Variants in DEPTOR observed in about 807,000 individuals in gnomAD.
DEPTOR encodes the protein DEP domain containing MTOR interacting protein, also known as DEP domain-containing mTOR-interacting protein.
Under a neutral mutation model 41.6 loss-of-function variants are expected in DEPTOR, and 41 were observed. That is an observed-to-expected ratio of 0.98 (90% CI 0.77 to 1.28). DEPTOR has a LOEUF of 1.28. Ranked by LOEUF, DEPTOR falls within the 50% of genes most tolerant of loss-of-function variation. DEPTOR has a pLI of 0.00. For synonymous variants in DEPTOR, 195 were observed against 192.3 expected (o/e 1.01, Z -0.12); for missense variants, 514 against 527.9 (o/e 0.97, Z 0.26).
At chr8:120,003,354 C>A (rs944286678) in intron 6 of DEPTOR, among the ~76,000 whole-genome samples, 1 of 152,104 alleles carries the variant, frequency 6.6e-6, no homozygotes, top group Non-Finnish European at 1.5e-5. Context: ...CTGGGATGGC[C>A]CTTCCAAGTT....
chr8:119,989,226 C>G (rs1306896949), intron 4 of DEPTOR, among the ~76,000 whole-genome samples: 1 of 152,074 alleles, frequency 6.6e-6, no homozygotes, highest in Non-Finnish European at 1.5e-5. Context: ...GTGTCAAACT[C>G]ATGGGCTCAA....
At chr8:119,893,753 A>G (rs1179684882) in intron 1 of DEPTOR, among the ~76,000 whole-genome samples, 4 of 147,170 alleles carry the variant, frequency 2.7e-5, no homozygotes, top group African/African-American at 1.0e-4. Context: ...GCTTGAACCC[A>G]GTGACAGAGA....
chr8:120,031,630 C>T (rs2875932), intron 8 of DEPTOR, among the ~76,000 whole-genome samples: 96,213 of 151,826 alleles, frequency 0.63, 31,271 homozygotes, highest in Middle Eastern at 0.75. Flanking sequence ...CCATCCCAGA[C>T]ATCAGTGCCA....
At chr8:120,019,608 G>A (rs1812667328) in intron 8 of DEPTOR, among the ~76,000 whole-genome samples, 1 of 152,130 alleles carries the variant, frequency 6.6e-6, no homozygotes, top group Non-Finnish European at 1.5e-5. Flanking sequence ...TGTTAACTAG[G>A]GATATGTGTG....
chr8:119,972,851 C>T (rs1056041728), intron 4 of DEPTOR, among the ~76,000 whole-genome samples: 1 of 152,174 alleles, frequency 6.6e-6, no homozygotes, highest in African/African-American at 2.4e-5. Context: ...GATTATTAAC[C>T]TCTGAAATCT....
At chr8:119,892,187 C>T (rs10107361) in intron 1 of DEPTOR, among the ~76,000 whole-genome samples, 75,598 of 151,896 alleles carry the variant, frequency 0.5, 20,471 homozygotes, top group East Asian at 0.92. Flanking sequence ...TCAGTAGAGA[C>T]GGGGTTTTGC....
chr8:119,911,855 C>T (rs917857521), intron 1 of DEPTOR, among the ~76,000 whole-genome samples: 1 of 152,182 alleles, frequency 6.6e-6, no homozygotes, highest in African/African-American at 2.4e-5. Context: ...CTGTACTACA[C>T]TATGGTTTCC....
At chr8:119,970,947 TCGGCCGGGCACAG>T (rs1828623470) in intron 4 of DEPTOR, among the ~76,000 whole-genome samples, 1 of 151,830 alleles carries the variant, frequency 6.6e-6, no homozygotes, top group Admixed American at 6.6e-5. Flanking sequence ...GGCTGAAAAA[TCGGCCGGGCACAG>T]TGGCTCACAC....
chr8:119,947,553 G>A (rs1563973308), intron 3 of DEPTOR, among the ~76,000 whole-genome samples: 1 of 152,124 alleles, frequency 6.6e-6, no homozygotes. Context: ...GCCAGTGGGT[G>A]AAATCATTAT....
At chr8:119,922,768 G>A (rs1302731581) in intron 1 of DEPTOR, among the ~76,000 whole-genome samples, 2 of 152,188 alleles carry the variant, frequency 1.3e-5, no homozygotes, top group Non-Finnish European at 2.9e-5. Flanking sequence ...GTTACTGGCA[G>A]CACCAGGGTG....
intron 1 of DEPTOR, among the ~76,000 whole-genome samples, chr8:119,927,282 G>A (rs372204492): frequency 7.9e-5 from 12 of 152,148 alleles, no homozygotes; most frequent in Admixed American, 7.9e-4. Flanking sequence ...TCAGCTCGAG[G>A]GTGTATTGGG....
chr8:119,972,701 C>T (rs1410812767), intron 4 of DEPTOR, among the ~76,000 whole-genome samples: 1 of 151,402 alleles, frequency 6.6e-6, no homozygotes, highest in East Asian at 1.9e-4. Flanking sequence ...CAAATCAAGA[C>T]AGTCTAGCTT....
intron 3 of DEPTOR, among the ~76,000 whole-genome samples, chr8:119,941,250 G>T (rs1828199318): frequency 6.6e-6 from 1 of 151,764 alleles, no homozygotes; most frequent in African/African-American, 2.4e-5. Context: ...GCATATGCTT[G>T]TAATCCCAGT....
rs774036426 is a variant in DEPTOR, at chr8:119,929,974, C to T, written c.425+36C>T. 7 of 1,591,390 alleles carry T rather than the reference C, an allele frequency of 4.4e-6. No individual in the cohort carries two copies. The East Asian group carries it at 9.0e-5, about 21-fold the overall frequency. On this transcript the variant is annotated intron_variant, in intron 3 of 8. Coordinates refer to ENST00000286234, the MANE Select transcript of DEPTOR (RefSeq NM_022783.4). ...CATGAAATCCCCCCTGTAATCTTGA[C>T]TTATAGAAAGAAGCAGAACTGTGCC...
chr8:119,915,256 C>T (rs958648017), intron 1 of DEPTOR, among the ~76,000 whole-genome samples: 4 of 152,200 alleles, frequency 2.6e-5, no homozygotes, highest in Admixed American at 6.5e-5. Context: ...TGAGCCACCA[C>T]GCCCAGCCTA....
At chr8:119,882,089 C>T (rs2129678034) in intron 1 of DEPTOR, among the ~76,000 whole-genome samples, 1 of 152,170 alleles carries the variant, frequency 6.6e-6, no homozygotes, top group South Asian at 2.1e-4. Flanking sequence ...TGAGGTTTCT[C>T]CACGTTGGCC....
chr8:119,993,476 A>T (rs10110144), intron 4 of DEPTOR, among the ~76,000 whole-genome samples: 55,299 of 152,096 alleles, frequency 0.36, 10,793 homozygotes, highest in East Asian at 0.57. Flanking sequence ...ATGAGTAACA[A>T]ATTGTCAGTT....
rs769104381 is a variant in DEPTOR, at chr8:119,928,583, G to A, written c.301+5G>A. The A allele has an allele frequency of 1.2e-6, 2 of 1,612,056 alleles. No homozygotes were observed. The highest frequency in any genetic ancestry group is 1.7e-6 in the Non-Finnish European group (2 of 1,178,912). On this transcript the variant is annotated splice_donor_5th_base_variant and intron_variant, in intron 2 of 8. Coordinates refer to ENST00000286234, the MANE Select transcript of DEPTOR (RefSeq NM_022783.4). ...ACCGGGGCATTATTCACCATGGTGA[G>A]TGCGGTGGCGAGTCAAGGTGACTTG...
chr8:120,007,038 A>G (rs1812449807), intron 7 of DEPTOR, among the ~76,000 whole-genome samples, 163 bp downstream of exon 7: 1 of 152,244 alleles, frequency 6.6e-6, no homozygotes, highest in South Asian at 2.1e-4. Flanking sequence ...TCAAGGCACT[A>G]AGGTGCATTA....
Sources: gnomAD v4.1 joint callset for allele counts (sites outside exome capture counted in the v4.1 genomes callset) on GRCh38, gnomAD v4.1.1 for gene constraint, MANE v1.5 for transcripts, NCBI Gene and HGNC (gene_info 2026-07-23, HGNC 2026-07-21) for gene names.